Variants in MAST4 observed in about 807,000 individuals in gnomAD.
MAST4 encodes microtubule-associated serine/threonine-protein kinase 4.
In MAST4, 89 loss-of-function variants were observed where a neutral mutation model predicts 162.7. That is an observed-to-expected ratio of 0.55 (90% confidence interval 0.46 to 0.65). The LOEUF is 0.65. Ranked by LOEUF, MAST4 falls within the 30% of genes least tolerant of loss-of-function variation. The pLI, the probability that MAST4 is intolerant of heterozygous loss-of-function variation, is 0.00. For missense variants in MAST4, 3,153 were observed against 3,374.0 expected, an observed-to-expected ratio of 0.93 and a Z score of 1.62; for synonymous variants, 1,479 against 1,361.1, an observed-to-expected ratio of 1.09 and a Z score of -1.91.
At chr5:66,689,070 G>A (rs1444346823) in intron 1 of MAST4, among the ~76,000 whole-genome samples, 1 of 151,786 alleles carries the variant, frequency 6.6e-6, no homozygotes, top group Non-Finnish European at 1.5e-5. Flanking sequence ...GGGTCTCTTG[G>A]TAACAATGTC....
intron 4 of MAST4, among the ~76,000 whole-genome samples, chr5:67,044,846 G>A (rs1012437055): frequency 6.6e-6 from 1 of 152,148 alleles, no homozygotes; most frequent in African/African-American, 2.4e-5. Context: ...CGATCATTGT[G>A]TCTTGCTCCC....
intron 4 of MAST4, among the ~76,000 whole-genome samples, chr5:66,914,151 C>G (rs1763953556): frequency 6.6e-6 from 1 of 151,708 alleles, no homozygotes; most frequent in Non-Finnish European, 1.5e-5. Flanking sequence ...AAAAAAAAAG[C>G]CTGTTGATAT....
chr5:66,878,623 T>A lies in MAST4; in HGVS notation c.643-21328T>A, dbSNP rs1482893123. On this transcript the variant is annotated intron_variant, in intron 3 of 28. Coordinates refer to ENST00000403625, the MANE Select transcript of MAST4 (RefSeq NM_001164664.2). ...ACTGTGCTGGGCAATGCAAGATTTCTCAGGGTTCAAGAGGAAGGCAACCAC... is the reference window on the plus strand; with the variant it reads ...ACTGTGCTGGGCAATGCAAGATTTCACAGGGTTCAAGAGGAAGGCAACCAC... Among the ~76,000 whole-genome samples the A allele has an allele frequency of 2.6e-5, 4 of 152,252 alleles. No individual in the cohort carries two copies. In the East Asian group the frequency reaches 7.7e-4, roughly 29 times the overall value.
intron 1 of MAST4, among the ~76,000 whole-genome samples, chr5:66,747,146 A>C (rs78610575): frequency 0.013 from 1,986 of 150,288 alleles, 42 homozygotes; most frequent in African/African-American, 0.046. Flanking sequence ...ATGTGTGTGT[A>C]GAGAAAAGGA....
intron 1 of MAST4, among the ~76,000 whole-genome samples, chr5:66,631,375 CTGGA>C (rs1744783942): frequency 6.6e-6 from 1 of 152,134 alleles, no homozygotes; most frequent in Non-Finnish European, 1.5e-5. Flanking sequence ...GAAAAACATT[CTGGA>C]ATTTGGAGTT....
intron 1 of MAST4, among the ~76,000 whole-genome samples, chr5:66,706,952 C>T (rs1580251843): frequency 6.6e-6 from 1 of 152,278 alleles, no homozygotes; most frequent in East Asian, 1.9e-4. Flanking sequence ...CAAGAAACTG[C>T]GGATGCCGTG....
intron 1 of MAST4, among the ~76,000 whole-genome samples, chr5:66,625,853 A>T (rs1744391622): frequency 6.6e-6 from 1 of 152,212 alleles, no homozygotes; most frequent in South Asian, 2.1e-4. Context: ...TCTTAGCATT[A>T]TTCACAGTAA....
intron 1 of MAST4, among the ~76,000 whole-genome samples, chr5:66,704,498 T>TTTTC (rs1180817318): frequency 7.2e-6 from 1 of 139,840 alleles, no homozygotes; most frequent in Non-Finnish European, 1.6e-5. Context: ...TGTTCTTTTT[T>TTTTC]TTTTTTTTTT....
At chr5:66,923,400 C>T (rs964985489) in intron 4 of MAST4, among the ~76,000 whole-genome samples, 1 of 152,124 alleles carries the variant, frequency 6.6e-6, no homozygotes, top group African/African-American at 2.4e-5. Context: ...CGAAGATAAT[C>T]GAGACAGGTG....
chr5:66,779,236 C>A (rs1281868774), intron 2 of MAST4, among the ~76,000 whole-genome samples: 1 of 152,190 alleles, frequency 6.6e-6, no homozygotes, highest in Non-Finnish European at 1.5e-5. Flanking sequence ...TCACCCTACT[C>A]CCAATACCAG....
intron 4 of MAST4, among the ~76,000 whole-genome samples, chr5:66,900,873 A>C (rs574478793): frequency 5.3e-5 from 8 of 152,270 alleles, no homozygotes; most frequent in Non-Finnish European, 1.2e-4. Flanking sequence ...TCAGCTGTGA[A>C]CATTTCATTA....
intron 3 of MAST4, among the ~76,000 whole-genome samples, chr5:66,843,407 T>C (rs1037535050): frequency 1.3e-5 from 2 of 152,190 alleles, no homozygotes; most frequent in Non-Finnish European, 2.9e-5. Context: ...TCCTGAACAG[T>C]TAGTGCCTTC....
chr5:67,014,421 A>G (rs1753041713), intron 4 of MAST4, among the ~76,000 whole-genome samples: 1 of 152,208 alleles, frequency 6.6e-6, no homozygotes, highest in Non-Finnish European at 1.5e-5. Context: ...TGCTTTAGGT[A>G]ATAGTTCTTG....
intron 4 of MAST4, among the ~76,000 whole-genome samples, chr5:66,970,534 A>G (rs946348676): frequency 2.6e-5 from 4 of 152,190 alleles, no homozygotes; most frequent in Non-Finnish European, 5.9e-5. Context: ...TCATCCATGT[A>G]TAGACACCTA....
In MAST4 at chr5:67,090,212, C is replaced by A; in HGVS notation, c.814C>A (p.His272Asn). Residue 272 changes from histidine to asparagine, a missense_variant, in exon 6 of 29, where the codon CAT (histidine) becomes AAT (asparagine). By Grantham distance (68) the His-to-Asn change is moderately conservative. Around this residue, in one of 7 missense-constraint regions of MAST4, gnomAD observed 360 missense variants for 450.0 expected, o/e 0.80. Coordinates refer to ENST00000403625, the MANE Select transcript of MAST4 (RefSeq NM_001164664.2). Reference sequence around the variant, plus strand: ...AAATTTCTCCCCCAGTGCCTCAGCCCATTTTTCATTTGCACGGAGGTAAGG... The same window carrying A: ...AAATTTCTCCCCCAGTGCCTCAGCCAATTTTTCATTTGCACGGAGGTAAGG... ...PRNFSPSASAHFSFARRTDGR... is the reference protein window; with the variant it reads ...PRNFSPSASANFSFARRTDGR... 3 of 1,612,884 alleles carry A rather than the reference C, an allele frequency of 1.9e-6. No homozygotes were observed. The highest frequency in any genetic ancestry group is 2.5e-6 in the Non-Finnish European group (3 of 1,179,232).
intron 2 of MAST4, 63 bp from the exon 3 acceptor site, chr5:66,788,607 C>CCCAGCAAAAAAAAAAAAA: frequency 1.2e-5 from 16 of 1,373,698 alleles, no homozygotes; most frequent in Non-Finnish European, 1.3e-5. Context: ...CCCCCACCCC[C>CCCAGCAAAAAAAAAAAAA]ATTGCAATAA....
chr5:67,006,511 C>A (rs1752055169), intron 4 of MAST4, among the ~76,000 whole-genome samples: 1 of 152,178 alleles, frequency 6.6e-6, no homozygotes, highest in Admixed American at 6.5e-5. Flanking sequence ...GATTTCTTAC[C>A]ATTTCAGCTG....
rs1753363957 is a variant in MAST4 at position 66,754,041 on chromosome 5, AG to A, written c.364-5667del. Among the ~76,000 whole-genome samples, 3 of 152,084 alleles carry A rather than the reference AG, an allele frequency of 2.0e-5. No individual in the cohort carries two copies. In the South Asian group the frequency reaches 6.3e-4, roughly 32 times the overall value. ...TAATCCATCACATAAACAGAACCAA[AG>A]ACAAAAACCACATGATTATATCAAT... On this transcript the variant is annotated intron_variant, in intron 1 of 28. Coordinates refer to ENST00000403625, the MANE Select transcript of MAST4 (RefSeq NM_001164664.2).
Position 67,168,472 on chromosome 5 carries a change from G to T in MAST4, c.*1421G>T, listed in dbSNP as rs1251802889. ...GTATACCGTGGAATATGTAGAATTT[G>T]TCAAATCATTTTAGTGCTGAAGGTT... On this transcript the variant is annotated 3_prime_UTR_variant, in exon 29 of 29. Transcript: ENST00000403625. 6.6e-6 allele frequency: 1 copy of T among 152,138 alleles called. No individual in the cohort carries two copies. The highest frequency in any genetic ancestry group is 1.5e-5 in the Non-Finnish European group (1 of 68,012). 9.4% of individuals were successfully genotyped at this position (152,138 alleles called of 1,614,324 possible). A position where few individuals can be genotyped will look rare whatever the true frequency, so the allele number is the denominator to read the frequency against.
Sources: gnomAD v4.1 joint callset for allele counts (sites outside exome capture counted in the v4.1 genomes callset) on GRCh38, gnomAD v4.1.1 for gene constraint, gnomAD v4.1.1 regional missense constraint, MANE v1.5 for transcripts, NCBI Gene and HGNC (gene_info 2026-07-23, HGNC 2026-07-21) for gene names.